Variants in ZNF385D observed in about 807,000 individuals in gnomAD.
ZNF385D encodes zinc finger protein 385D.
In ZNF385D, 15 loss-of-function variants were observed where a neutral mutation model predicts 35.8. That is an observed-to-expected ratio of 0.42 (90% CI 0.28 to 0.64). ZNF385D has a LOEUF of 0.64. Among genes scored for constraint, ZNF385D ranks in the 30% least tolerant of loss-of-function variants. The pLI is 0.23. For missense variants in ZNF385D, 474 were observed against 494.6 expected, an observed-to-expected ratio of 0.96 and a Z score of 0.39; for synonymous variants, 212 against 186.8, an observed-to-expected ratio of 1.13 and a Z score of -1.10.
At chr3:22,092,271 G>A (rs1418283002) in intron 3 of ZNF385D, among the ~76,000 whole-genome samples, 3 of 152,264 alleles carry the variant, frequency 2.0e-5, no homozygotes, top group Non-Finnish European at 2.9e-5. Context: ...TACTAAGGGG[G>A]AAATTGAAGG....
intron 1 of ZNF385D, among the ~76,000 whole-genome samples, chr3:21,701,864 G>C (rs2067696220): frequency 6.6e-6 from 1 of 152,150 alleles, no homozygotes; most frequent in Non-Finnish European, 1.5e-5. Context: ...CTCACATCCA[G>C]GTCACACTGA....
intron 3 of ZNF385D, among the ~76,000 whole-genome samples, chr3:21,959,682 G>A (rs1702476622): frequency 1.3e-5 from 2 of 152,172 alleles, no homozygotes; most frequent in Non-Finnish European, 2.9e-5. Flanking sequence ...TGGGTACACA[G>A]AAAAGGAACC....
At chr3:21,907,248 T>G (rs1259884284) in intron 3 of ZNF385D, among the ~76,000 whole-genome samples, 1 of 152,178 alleles carries the variant, frequency 6.6e-6, no homozygotes, top group Non-Finnish European at 1.5e-5. Flanking sequence ...TGTAACAACA[T>G]TTTAAAAATA....
intron 3 of ZNF385D, among the ~76,000 whole-genome samples, chr3:21,847,822 T>G (rs1696108363): frequency 6.6e-6 from 1 of 152,080 alleles, no homozygotes; most frequent in South Asian, 2.1e-4. Context: ...ACTAATCTGT[T>G]TATTTTTTTG....
At chr3:22,085,198 G>A (rs183753397) in intron 3 of ZNF385D, among the ~76,000 whole-genome samples, 25 of 152,196 alleles carry the variant, frequency 1.6e-4, no homozygotes, top group African/African-American at 5.3e-4. Context: ...AAATTCAAAA[G>A]CTAGCAGAAG....
intron 3 of ZNF385D, among the ~76,000 whole-genome samples, chr3:22,096,364 G>T (rs1050937871): frequency 6.6e-6 from 1 of 151,464 alleles, no homozygotes; most frequent in Admixed American, 6.6e-5. Flanking sequence ...TTTTTTAAAA[G>T]AAAAAAACTG....
intron 4 of ZNF385D, among the ~76,000 whole-genome samples, chr3:21,510,163 C>A (rs1052349934): frequency 2.6e-5 from 4 of 152,076 alleles, no homozygotes; most frequent in Non-Finnish European, 4.4e-5. Flanking sequence ...ATTTCGAAAA[C>A]CAGTGGTCTT....
At chr3:21,867,234 C>A (rs1398223918) in intron 3 of ZNF385D, among the ~76,000 whole-genome samples, 1 of 152,138 alleles carries the variant, frequency 6.6e-6, no homozygotes, top group Non-Finnish European at 1.5e-5. Context: ...TTATTGAGGT[C>A]AAGAAGCCTC....
intron 3 of ZNF385D, among the ~76,000 whole-genome samples, chr3:21,967,891 C>A (rs1381883578): frequency 6.6e-6 from 1 of 152,190 alleles, no homozygotes; most frequent in Non-Finnish European, 1.5e-5. Flanking sequence ...CAAAAACCAC[C>A]ACCATAAGAA....
At chr3:21,936,053 T>C (rs1468592360) in intron 3 of ZNF385D, among the ~76,000 whole-genome samples, 2 of 151,980 alleles carry the variant, frequency 1.3e-5, no homozygotes, top group African/African-American at 4.8e-5. Context: ...GCTGAATGAA[T>C]TGGAGTAGAG....
chr3:22,119,995 C>T (rs370477893), intron 3 of ZNF385D, among the ~76,000 whole-genome samples: 5 of 136,300 alleles, frequency 3.7e-5, no homozygotes, highest in South Asian at 2.4e-4. Context: ...TTTCTTTTTT[C>T]TTTTTTTTTT....
chr3:21,507,368 G>T (rs1007101632), intron 4 of ZNF385D, among the ~76,000 whole-genome samples: 117 of 151,862 alleles, frequency 7.7e-4, no homozygotes, highest in Non-Finnish European at 1.4e-3. Context: ...TATATAATTG[G>T]ATTACTCTTT....
chr3:22,135,623 T>C (rs1002359423), intron 3 of ZNF385D, among the ~76,000 whole-genome samples: 9 of 152,186 alleles, frequency 5.9e-5, no homozygotes, highest in African/African-American at 2.2e-4. Flanking sequence ...TTTAATAAGC[T>C]GACTCTACAA....
At chr3:22,224,256 C>G (rs568011996) in intron 2 of ZNF385D, among the ~76,000 whole-genome samples, 6 of 152,120 alleles carry the variant, frequency 3.9e-5, no homozygotes, top group Non-Finnish European at 8.8e-5. Context: ...TATAATTAAA[C>G]TGAAGTTGCT....
At chr3:21,740,336 G>C (rs2069451745) in intron 1 of ZNF385D, among the ~76,000 whole-genome samples, 4 of 152,174 alleles carry the variant, frequency 2.6e-5, no homozygotes, top group Admixed American at 2.6e-4. Flanking sequence ...CTGGGAGCTT[G>C]TTAGAAAGGC....
chr3:21,451,469 AT>A (rs71266443), intron 4 of ZNF385D, among the ~76,000 whole-genome samples: 1 of 151,878 alleles, frequency 6.6e-6, no homozygotes, highest in East Asian at 1.9e-4. Flanking sequence ...ATGTCTCATT[AT>A]TTTTTGCTGT....
chr3:21,575,144 C>T (rs1281419592), intron 2 of ZNF385D, among the ~76,000 whole-genome samples: 1 of 152,076 alleles, frequency 6.6e-6, no homozygotes, highest in Admixed American at 6.6e-5. Flanking sequence ...GCCAATCATT[C>T]AGTGTCATGA....
intron 2 of ZNF385D, among the ~76,000 whole-genome samples, chr3:22,346,262 AAAG>A (rs199937631): frequency 0.046 from 7,036 of 152,252 alleles, 501 homozygotes; most frequent in African/African-American, 0.16. Flanking sequence ...GTTTTTCCTC[AAAG>A]AAATATTCAT....
chr3:21,691,225 G>T (rs2067274484), intron 1 of ZNF385D, among the ~76,000 whole-genome samples: 1 of 152,068 alleles, frequency 6.6e-6, no homozygotes, highest in Non-Finnish European at 1.5e-5. Context: ...TTTCTGTGTT[G>T]CCAAGTACTG....
Sources: gnomAD v4.1 joint callset for allele counts (sites outside exome capture counted in the v4.1 genomes callset) on GRCh38, gnomAD v4.1.1 for gene constraint, MANE v1.5 for transcripts, NCBI Gene and HGNC (gene_info 2026-07-23, HGNC 2026-07-21) for gene names.